IQCH: variants seen among roughly 807,000 people sequenced by gnomAD.
IQCH encodes the protein IQ motif containing H.
IQCH carries 98 observed loss-of-function variants against 117.0 expected under a neutral mutation model. The observed-to-expected ratio is 0.84, with a 90% CI of 0.71 to 0.99. IQCH has a LOEUF of 0.99. IQCH is among the 50% of genes least tolerant of loss of function. The probability of loss-of-function intolerance (pLI) is 0.00; values close to 1 mark genes in which losing one functional copy is unlikely to be tolerated. For synonymous variants in IQCH, 412 were observed against 448.2 expected (o/e 0.92, Z 1.02); for missense variants, 1,102 against 1,243.8 (o/e 0.89, Z 1.72).
rs1020474981 is a variant in IQCH at position 67,427,927 on chromosome 15, C to T, written c.2505+6350C>T. ...CACTGTAATCTTTGCCTCCCAGGCT[C>T]AAGTGATTCTTGTGCCTTAGCCTCC... On this transcript the variant is annotated intron_variant, in intron 16 of 20. Coordinates refer to ENST00000335894, the MANE Select transcript of IQCH (RefSeq NM_001031715.3). The surrounding 1 kb of genome is among the most constrained non-coding windows in gnomAD (Gnocchi z 4.7). 2.0e-5 allele frequency among the ~76,000 whole-genome samples: 3 copies of T among 151,570 alleles called. No individual in the cohort carries two copies. The highest frequency in any genetic ancestry group is 7.3e-5 in the African/African-American group (3 of 41,180).
At position 67,422,187 on chromosome 15, in the gene IQCH, C is replaced by T. The variant is rs1305120980; in HGVS notation, c.2505+610C>T. Among the ~76,000 whole-genome samples, 1 of 151,962 alleles carries T rather than the reference C, an allele frequency of 6.6e-6. No individual in the cohort carries two copies. The highest frequency in any genetic ancestry group is 1.5e-5 in the Non-Finnish European group (1 of 67,982). ...CCTCAATTCTGTCCATTAGTGTTAT[C>T]CCTATGTATCATGAAACTATTTTAT... On this transcript the variant is annotated intron_variant, in intron 16 of 20. Coordinates refer to ENST00000335894, the MANE Select transcript of IQCH (RefSeq NM_001031715.3). The surrounding 1 kb of genome is among the most constrained non-coding windows in gnomAD (Gnocchi z 4.7).
chr15:67,313,749 A>C (rs1967713088), intron 4 of IQCH, among the ~76,000 whole-genome samples: 1 of 152,204 alleles, frequency 6.6e-6, no homozygotes, highest in South Asian at 2.1e-4. Flanking sequence ...AGTCAGGATC[A>C]TAGAAGGCAG....
In IQCH at chr15:67,433,274, C is replaced by A. The variant is rs2414954; in HGVS notation, c.2505+11697C>A. Among the ~76,000 whole-genome samples, 21,281 of 152,154 alleles carry A rather than the reference C, an allele frequency of 0.14. 1,711 individuals are homozygous for A. The highest frequency in any genetic ancestry group is 0.21 in the African/African-American group (8,602 of 41,498). ...ATGATGGCAATGATGATGACTTCTA[C>A]AATAAGCACATGGGCAATGATGACA... On this transcript the variant is annotated intron_variant, in intron 16 of 20. Coordinates refer to ENST00000335894, the MANE Select transcript of IQCH (RefSeq NM_001031715.3). This position sits in a 1 kb window ranked among gnomAD's most constrained non-coding sequence, Gnocchi z 5.4.
chr15:67,289,365 G>T (rs1170404791), intron 4 of IQCH, among the ~76,000 whole-genome samples: 1 of 152,030 alleles, frequency 6.6e-6, no homozygotes, highest in Non-Finnish European at 1.5e-5. Flanking sequence ...GATGATGAAG[G>T]TCTGAATTAT....
At position 67,493,200 on chromosome 15, in the gene IQCH, A is replaced by G. The variant is rs1436467029; in HGVS notation, c.2862-1058A>G. On this transcript the variant is annotated intron_variant, in intron 19 of 20. Transcript: ENST00000335894. The surrounding 1 kb of genome is among the most constrained non-coding windows in gnomAD (Gnocchi z 5.1). ...TCCCTAACTGCAGTCATAGAACCAC[A>G]GAATGTTAGAACAGGGAAGGGCCTC... is the stretch of plus-strand genomic sequence containing the variant. Among the ~76,000 whole-genome samples the G allele has an allele frequency of 6.6e-6, 1 of 152,224 alleles. No individual in the cohort carries two copies. Among genetic ancestry groups the G allele is most frequent in the African/African-American group, 2.4e-5 (1 of 41,458 alleles).
chr15:67,388,859 C>G lies in IQCH; in HGVS notation c.1485C>G (p.Cys495Trp). Residue 495 changes from cysteine to tryptophan, a missense_variant, in exon 12 of 21, where the codon TGC becomes TGG. Around this residue, in one of 2 missense-constraint regions of IQCH, gnomAD observed 650 missense variants for 794.3 expected, o/e 0.82. Coordinates refer to ENST00000335894, the MANE Select transcript of IQCH (RefSeq NM_001031715.3). This position sits in a 1 kb window ranked among gnomAD's most constrained non-coding sequence, Gnocchi z 5.5. ...CCAATGTGAATGTCATCTACATCTG[C>G]TCCCATCATATGAATGACGAGTTAG... is the stretch of plus-strand genomic sequence containing the variant. The part of the protein sequence containing the change: ...LDANVNVIYI[C>W]SHHMNDELVL... 1 of 1,613,798 alleles carries G rather than the reference C, an allele frequency of 6.2e-7. No homozygotes were observed. The highest frequency in any genetic ancestry group is 8.5e-7 in the Non-Finnish European group (1 of 1,179,748).
chr15:67,489,374 G>A (rs546944161), intron 18 of IQCH, among the ~76,000 whole-genome samples: 1 of 152,046 alleles, frequency 6.6e-6, no homozygotes, highest in South Asian at 2.1e-4. Context: ...TGCCCAGGCT[G>A]GAGTGCAATG....
rs928771690 is a variant in IQCH at position 67,476,907 on chromosome 15, A to G, written c.2799+1089A>G. ...TATAAGGTATATATAATGACATAAG[A>G]ATTGAGTAGTAACCAGTTGATCAGA... On this transcript the variant is annotated intron_variant, in intron 18 of 20. Coordinates refer to ENST00000335894, the MANE Select transcript of IQCH (RefSeq NM_001031715.3). This position sits in a 1 kb window ranked among gnomAD's most constrained non-coding sequence, Gnocchi z 4.1. Among the ~76,000 whole-genome samples the G allele has an allele frequency of 6.6e-6, 1 of 152,098 alleles. No individual in the cohort carries two copies. Among genetic ancestry groups the G allele is most frequent in the East Asian group, 1.9e-4 (1 of 5,202 alleles).
intron 16 of IQCH, among the ~76,000 whole-genome samples, chr15:67,423,172 G>A (rs751919838): frequency 6.6e-6 from 1 of 152,180 alleles, no homozygotes; most frequent in Non-Finnish European, 1.5e-5. Flanking sequence ...TCTCCCTGTG[G>A]TGGAGGCAGG....
At chr15:67,435,702 A>T (rs187698955) in intron 16 of IQCH, among the ~76,000 whole-genome samples, 1 of 151,962 alleles carries the variant, frequency 6.6e-6, no homozygotes, top group East Asian at 1.9e-4. Flanking sequence ...GTGAAACCCC[A>T]TCTCTACTAA....
rs140549980 is a variant in IQCH, at chr15:67,388,569, G to C, written c.1457-262G>C. Among the ~76,000 whole-genome samples, 2 of 152,130 alleles carry C rather than the reference G, an allele frequency of 1.3e-5. No individual in the cohort carries two copies. The highest frequency in any genetic ancestry group is 4.8e-5 in the African/African-American group (2 of 41,418). On this transcript the variant is annotated intron_variant, in intron 11 of 20. Coordinates refer to ENST00000335894, the MANE Select transcript of IQCH (RefSeq NM_001031715.3). The surrounding 1 kb of genome is among the most constrained non-coding windows in gnomAD (Gnocchi z 5.5). ...GTATTATTTGAAAGTACATTTCCAAGGTATCTCACAGCCCTCCTTCTGAAG... is the reference window on the plus strand; with the variant it reads ...GTATTATTTGAAAGTACATTTCCAACGTATCTCACAGCCCTCCTTCTGAAG...
chr15:67,361,992 A>T (rs1249424601), intron 8 of IQCH, among the ~76,000 whole-genome samples: 1 of 152,212 alleles, frequency 6.6e-6, no homozygotes, highest in Admixed American at 6.5e-5. Flanking sequence ...TATGGATAAA[A>T]CAAGCAAACA....
rs1448361520 is a variant in IQCH at position 67,366,787 on chromosome 15, T to C, written c.754-5324T>C. Among the ~76,000 whole-genome samples the C allele has an allele frequency of 6.6e-6, 1 of 152,218 alleles. No homozygotes were observed. The highest frequency in any genetic ancestry group is 1.9e-4 in the East Asian group (1 of 5,198). ...CCCCAGAATACTGGAACACTACTCT[T>C]TGGGGTTCTCTCCCCATGACCACCT... On this transcript the variant is annotated intron_variant, in intron 8 of 20. Coordinates refer to ENST00000335894, the MANE Select transcript of IQCH (RefSeq NM_001031715.3). The surrounding 1 kb of genome is among the most constrained non-coding windows in gnomAD (Gnocchi z 4.4).
chr15:67,422,749 A>G lies in IQCH; in HGVS notation c.2505+1172A>G, dbSNP rs181754059. On this transcript the variant is annotated intron_variant, in intron 16 of 20. Coordinates refer to ENST00000335894, the MANE Select transcript of IQCH (RefSeq NM_001031715.3). This position sits in a 1 kb window ranked among gnomAD's most constrained non-coding sequence, Gnocchi z 4.7. ...ATACTATTCAGGATAAATCATCTTTAACCTTTTTCACTTTGCTTTTCCCAC... is the reference window on the plus strand; with the variant it reads ...ATACTATTCAGGATAAATCATCTTTGACCTTTTTCACTTTGCTTTTCCCAC... 3.0e-3 allele frequency among the ~76,000 whole-genome samples: 459 copies of G among 152,282 alleles called. 2 individuals carry two copies. The highest frequency in any genetic ancestry group is 5.2e-3 in the Non-Finnish European group (351 of 68,026).
rs572362593 is a variant in IQCH, at chr15:67,418,136, A to G, written c.2218+1085A>G. Reference sequence around the variant, plus strand: ...ACCCCAAATCACTCTGCTAACACGTAGAAGAGCCCATGAAAAGCTACCTCC... The same window carrying G: ...ACCCCAAATCACTCTGCTAACACGTGGAAGAGCCCATGAAAAGCTACCTCC... On this transcript the variant is annotated intron_variant, in intron 15 of 20. Transcript: ENST00000335894. 7.2e-5 allele frequency among the ~76,000 whole-genome samples: 11 copies of G among 152,278 alleles called. No homozygotes were observed. In the South Asian group the frequency reaches 2.3e-3, roughly 32 times the overall value.
intron 4 of IQCH, among the ~76,000 whole-genome samples, chr15:67,334,057 G>GA (rs951060062): frequency 3.3e-5 from 5 of 151,266 alleles, no homozygotes; most frequent in African/African-American, 9.7e-5. Flanking sequence ...GGCCCTGTCT[G>GA]AAAAAAAAAT....
intron 4 of IQCH, among the ~76,000 whole-genome samples, chr15:67,289,705 CTG>C (rs796864514): frequency 2.0e-5 from 3 of 152,194 alleles, no homozygotes; most frequent in African/African-American, 7.2e-5. Context: ...GAAGAAATAT[CTG>C]AGAATAAGCT....
At chr15:67,330,975 C>A (rs1968641359) in intron 4 of IQCH, among the ~76,000 whole-genome samples, 1 of 152,124 alleles carries the variant, frequency 6.6e-6, no homozygotes, top group South Asian at 2.1e-4. Flanking sequence ...TAGAAAAAAA[C>A]CCAGAATGCC....
At chr15:67,287,402 G>GTCATCGGGTA (rs1966603304) in intron 4 of IQCH, among the ~76,000 whole-genome samples, 1 of 152,108 alleles carries the variant, frequency 6.6e-6, no homozygotes, top group East Asian at 1.9e-4. Context: ...CGGGTACTGG[G>GTCATCGGGTA]CTTTTCTTTG....
Sources: gnomAD v4.1 joint callset for allele counts (sites outside exome capture counted in the v4.1 genomes callset) on GRCh38, gnomAD v4.1.1 for gene constraint, gnomAD v4.1.1 regional missense constraint, Gnocchi (gnomAD v3.1) non-coding constraint, MANE v1.5 for transcripts, NCBI Gene and HGNC (gene_info 2026-07-23, HGNC 2026-07-21) for gene names.